The following PTGER3 variants were observed in gnomAD, a reference collection of about 807,000 sequenced individuals.
PTGER3 encodes the protein prostaglandin E2 receptor EP3 subtype.
PTGER3 carries 22 observed loss-of-function variants against 34.7 expected under a neutral mutation model. That is an observed-to-expected ratio of 0.63 (90% CI 0.45 to 0.91). The LOEUF (loss-of-function observed/expected upper bound fraction) is 0.91. Among genes scored for constraint, PTGER3 ranks in the 40% least tolerant of loss-of-function variants. The probability of loss-of-function intolerance (pLI) is 0.00; values close to 1 mark genes in which losing one functional copy is unlikely to be tolerated. For missense variants in PTGER3, 468 were observed against 519.4 expected (o/e 0.90, Z 0.96); for synonymous variants, 241 against 230.1 (o/e 1.05, Z -0.43).
intron 2 of PTGER3, chr1:71,006,095 AC>A (rs1204302935): frequency 4.5e-6 from 4 of 885,192 alleles, no homozygotes; most frequent in Non-Finnish European, 5.4e-6. Flanking sequence ...AGTATAGAAC[AC>A]TGGAACTTAT....
chr1:70,895,291 A>G (rs1471590696), intron 4 of PTGER3, among the ~76,000 whole-genome samples: 3 of 152,232 alleles, frequency 2.0e-5, no homozygotes, highest in Non-Finnish European at 4.4e-5. Context: ...AGGCAAAGTC[A>G]GTTGCTGGTC....
chr1:70,859,647 T>C (rs1336933225), intron 4 of PTGER3, among the ~76,000 whole-genome samples: 1 of 152,222 alleles, frequency 6.6e-6, no homozygotes, highest in Non-Finnish European at 1.5e-5. Context: ...AATTCATCAG[T>C]GAACGTATCT....
intron 4 of PTGER3, among the ~76,000 whole-genome samples, chr1:70,890,767 C>A (rs143066424): frequency 1.3e-5 from 2 of 152,296 alleles, no homozygotes; most frequent in Admixed American, 6.5e-5. Flanking sequence ...TATTAAAAAT[C>A]TTTTAATCAC....
At chr1:71,019,933 T>C (rs1658246845) in intron 1 of PTGER3, among the ~76,000 whole-genome samples, 1 of 152,236 alleles carries the variant, frequency 6.6e-6, no homozygotes, top group Non-Finnish European at 1.5e-5. Context: ...CCAATTTTTA[T>C]CTGCGATGTT....
chr1:71,022,756 C>A (rs1439736698), intron 1 of PTGER3, among the ~76,000 whole-genome samples: 1 of 151,486 alleles, frequency 6.6e-6, no homozygotes, highest in East Asian at 1.9e-4. Context: ...CACATACACA[C>A]ACAAATGAAC....
chr1:70,956,604 T>C (rs186103041), intron 2 of PTGER3, among the ~76,000 whole-genome samples: 1 of 152,330 alleles, frequency 6.6e-6, no homozygotes. Context: ...GATCATGAAC[T>C]GCCTTTAGAG....
intron 4 of PTGER3, among the ~76,000 whole-genome samples, chr1:70,944,045 G>C (rs1189076936): frequency 2.0e-5 from 3 of 152,052 alleles, no homozygotes; most frequent in Middle Eastern, 3.2e-3. Context: ...AAATCAATTA[G>C]ATAGTATAGT....
chr1:71,000,092 T>C (rs140365699), intron 2 of PTGER3, among the ~76,000 whole-genome samples: 1,603 of 152,326 alleles, frequency 0.011, 40 homozygotes, highest in African/African-American at 0.037. Flanking sequence ...CAGACATTGA[T>C]AATAGAGTCA....
intron 4 of PTGER3, among the ~76,000 whole-genome samples, chr1:70,919,943 C>T (rs536821953): frequency 2.7e-4 from 41 of 152,196 alleles, no homozygotes; most frequent in Non-Finnish European, 5.1e-4. Context: ...GTATTGAGTT[C>T]CGCTAGCCTA....
chr1:70,938,116 A>C (rs1649407952), intron 4 of PTGER3, among the ~76,000 whole-genome samples: 1 of 152,100 alleles, frequency 6.6e-6, no homozygotes, highest in African/African-American at 2.4e-5. Context: ...GGGGGGTGGG[A>C]GGTGTCAATG....
chr1:71,028,612 T>G (rs8179408), intron 1 of PTGER3, among the ~76,000 whole-genome samples: 55,540 of 151,994 alleles, frequency 0.37, 11,231 homozygotes, highest in South Asian at 0.46. Context: ...AAATTCCTCA[T>G]GTTTAATTGT....
chr1:71,010,867 C>A (rs1657380863), intron 2 of PTGER3: 2 of 984,974 alleles, frequency 2.0e-6, no homozygotes. Flanking sequence ...TTGTACCTAT[C>A]AAAATTAATT....
intron 4 of PTGER3, among the ~76,000 whole-genome samples, chr1:70,924,157 T>G (rs1326067448): frequency 6.6e-6 from 1 of 152,016 alleles, no homozygotes; most frequent in Non-Finnish European, 1.5e-5. Flanking sequence ...TGGTAGGGCT[T>G]GGCTTAAAAA....
At chr1:70,928,393 G>A (rs1321185598) in intron 4 of PTGER3, among the ~76,000 whole-genome samples, 3 of 151,828 alleles carry the variant, frequency 2.0e-5, no homozygotes, top group Non-Finnish European at 4.4e-5. Context: ...CAACTCTTTG[G>A]GAGCCAAGGG....
At chr1:70,956,229 CT>C (rs1651318943) in intron 2 of PTGER3, among the ~76,000 whole-genome samples, 1 of 151,940 alleles carries the variant, frequency 6.6e-6, no homozygotes, top group Non-Finnish European at 1.5e-5. Context: ...TATAATTAGC[CT>C]TTTGGGGGAA....
At chr1:70,956,053 G>A (rs1210100879) in intron 2 of PTGER3, among the ~76,000 whole-genome samples, 2 of 152,160 alleles carry the variant, frequency 1.3e-5, no homozygotes, top group Non-Finnish European at 2.9e-5. Flanking sequence ...TCTCCACCAT[G>A]AGAAAGAGTT....
Position 70,971,400 on chromosome 1 carries a change from C to A in PTGER3, c.*330G>T. 9.5e-7 allele frequency: 1 copy of A among 1,054,226 alleles called. No homozygotes were observed. Among genetic ancestry groups the A allele is most frequent in the South Asian group, 4.5e-5 (1 of 22,308 alleles). The allele number at this position is 1,054,226 out of a possible 1,614,324, so 65.3% of individuals were successfully genotyped here. ...AGATGTCCACTTTGGTTAAGATTCACGTAAAGGTTTGAAGTTGGAGAAAAC... is the reference window on the plus strand; with the variant it reads ...AGATGTCCACTTTGGTTAAGATTCAAGTAAAGGTTTGAAGTTGGAGAAAAC... On this transcript the variant is annotated 3_prime_UTR_variant, in exon 4 of 4. Coordinates refer to ENST00000306666, the MANE Select transcript of PTGER3 (RefSeq NM_198719.2).
At chr1:70,856,996 C>A in intron 4 of PTGER3, among the ~76,000 whole-genome samples, 1 of 152,190 alleles carries the variant, frequency 6.6e-6, no homozygotes, top group East Asian at 1.9e-4. Context: ...GTCTCTGTAC[C>A]TATCTTCCCA....
intron 4 of PTGER3, among the ~76,000 whole-genome samples, chr1:70,878,489 G>C (rs1646319681): frequency 6.6e-6 from 1 of 151,678 alleles, no homozygotes; most frequent in Non-Finnish European, 1.5e-5. Context: ...CTCTAATTTT[G>C]GTTATTTCTT....
Sources: gnomAD v4.1 joint callset for allele counts (sites outside exome capture counted in the v4.1 genomes callset) on GRCh38, gnomAD v4.1.1 for gene constraint, MANE v1.5 for transcripts, NCBI Gene and HGNC (gene_info 2026-07-23, HGNC 2026-07-21) for gene names.